WDR27: variants seen among roughly 807,000 people sequenced by gnomAD.
The protein encoded by WDR27 is WD repeat-containing protein 27.
WDR27 carries 100 observed loss-of-function variants against 114.4 expected under a neutral mutation model. The observed-to-expected ratio is 0.87, with a 90% CI of 0.74 to 1.03. The LOEUF (loss-of-function observed/expected upper bound fraction) is 1.03, where lower values mean the gene tolerates loss of function less well. Among genes scored for constraint, WDR27 ranks in the 50% least tolerant of loss-of-function variants. WDR27 has a pLI of 0.00. For missense variants in WDR27, 1,129 were observed against 1,092.9 expected, an observed-to-expected ratio of 1.03 and a Z score of -0.47; for synonymous variants, 449 against 423.1, an observed-to-expected ratio of 1.06 and a Z score of -0.75.
At chr6:169,697,428 G>C (rs1225895285) in intron 1 of WDR27, among the ~76,000 whole-genome samples, 2 of 152,082 alleles carry the variant, frequency 1.3e-5, no homozygotes, top group Non-Finnish European at 1.5e-5. Flanking sequence ...ACCGGGAAAG[G>C]GAATCTCCCT....
At chr6:169,490,657 C>T (rs1789635747) in intron 25 of WDR27, among the ~76,000 whole-genome samples, 2 of 152,218 alleles carry the variant, frequency 1.3e-5, no homozygotes, top group Non-Finnish European at 2.9e-5. Flanking sequence ...ATGAACAATT[C>T]ACATTCTTTA....
At chr6:169,630,161 C>A (rs1815981915) in intron 21 of WDR27, among the ~76,000 whole-genome samples, 1 of 152,182 alleles carries the variant, frequency 6.6e-6, no homozygotes, top group Non-Finnish European at 1.5e-5. Flanking sequence ...CAATCTTTAT[C>A]TTTAGATACA....
chr6:169,600,486 G>A lies in WDR27; in HGVS notation c.2424+1733C>T, dbSNP rs1478254918. ...GGAGAATGACTTTGACAAGTTGAGA[G>A]AAGAAGGCTTCGGACGATCAAACTA... On this transcript the variant is annotated intron_variant, in intron 23 of 25. Transcript: ENST00000448612. Among the ~76,000 whole-genome samples the A allele has an allele frequency of 2.6e-5, 4 of 152,216 alleles. No homozygotes were observed. In the East Asian group the frequency reaches 7.7e-4, roughly 29 times the overall value.
chr6:169,584,287 C>T (rs951735422), intron 23 of WDR27, among the ~76,000 whole-genome samples: 4 of 152,140 alleles, frequency 2.6e-5, no homozygotes, highest in African/African-American at 9.7e-5. Context: ...GACATAGGCA[C>T]ACACACTCCT....
Position 169,689,375 on chromosome 6 carries a change from G to A in WDR27, c.-7-363C>T, listed in dbSNP as rs370979149. 31 of 160,848 alleles carry A rather than the reference G, an allele frequency of 1.9e-4. No individual in the cohort carries two copies. In the South Asian group the frequency reaches 3.7e-3, roughly 19 times the overall value. 10.0% of individuals were successfully genotyped at this position (160,848 alleles called of 1,614,324 possible). ...ATGATCCATGTGGCATGGGTGCAGC[G>A]CTGTGGCACTTAGCGTTCTAAACGT... On this transcript the variant is annotated intron_variant, in intron 1 of 25. Coordinates refer to ENST00000448612, the MANE Select transcript of WDR27 (RefSeq NM_182552.5).
At chr6:169,465,379 T>TA (rs952819040) in intron 25 of WDR27, among the ~76,000 whole-genome samples, 6 of 151,822 alleles carry the variant, frequency 4.0e-5, no homozygotes, top group Non-Finnish European at 8.8e-5. Flanking sequence ...ACATGACTAT[T>TA]AAAAAAACAA....
chr6:169,620,979 T>C (rs1410193331), intron 21 of WDR27, among the ~76,000 whole-genome samples: 3 of 152,200 alleles, frequency 2.0e-5, no homozygotes, highest in Non-Finnish European at 4.4e-5. Context: ...CCTGACCTTG[T>C]GTAATACACG....
chr6:169,482,846 T>A (rs535089216), intron 25 of WDR27, among the ~76,000 whole-genome samples: 80 of 152,254 alleles, frequency 5.3e-4, no homozygotes, highest in African/African-American at 1.9e-3. Context: ...TCTCTGACCA[T>A]GGCTCAATAA....
chr6:169,650,172 C>T (rs553053377), intron 14 of WDR27, among the ~76,000 whole-genome samples: 1 of 149,056 alleles, frequency 6.7e-6, no homozygotes, highest in Non-Finnish European at 1.5e-5. Context: ...ATCCATCCCT[C>T]TACTTATCCA....
intron 22 of WDR27, among the ~76,000 whole-genome samples, chr6:169,607,891 G>A (rs1809586584): frequency 6.6e-6 from 1 of 152,012 alleles, no homozygotes; most frequent in Admixed American, 6.6e-5. Flanking sequence ...TAATGCCGGG[G>A]ATACATTCCA....
At chr6:169,540,499 G>A (rs1034362811) in intron 25 of WDR27, among the ~76,000 whole-genome samples, 19 of 151,140 alleles carry the variant, frequency 1.3e-4, no homozygotes, top group Admixed American at 5.3e-4. Flanking sequence ...GCGAGATCTC[G>A]GCTCACTGCA....
At chr6:169,696,869 G>C (rs1208947914) in intron 1 of WDR27, among the ~76,000 whole-genome samples, 1 of 152,188 alleles carries the variant, frequency 6.6e-6, no homozygotes, top group African/African-American at 2.4e-5. Context: ...AGCCAAGATT[G>C]TGCCACTGCA....
chr6:169,578,068 G>A (rs1187977740), intron 24 of WDR27, among the ~76,000 whole-genome samples: 2 of 152,264 alleles, frequency 1.3e-5, no homozygotes, highest in South Asian at 2.1e-4. Context: ...TCTCTAATGT[G>A]TGTTTTATCC....
intron 23 of WDR27, among the ~76,000 whole-genome samples, chr6:169,598,240 TTG>T (rs1807229917): frequency 6.6e-6 from 1 of 152,236 alleles, no homozygotes; most frequent in Non-Finnish European, 1.5e-5. Flanking sequence ...ATTATCAGTG[TTG>T]TCTTAGTCTG....
intron 16 of WDR27, among the ~76,000 whole-genome samples, chr6:169,647,417 C>T (rs1204628791): frequency 2.0e-5 from 3 of 152,224 alleles, no homozygotes; most frequent in African/African-American, 7.2e-5. Flanking sequence ...GTGACTGTTC[C>T]ATTAGCTTCT....
chr6:169,658,972 C>A (rs1383392560), intron 12 of WDR27, 114 bp downstream of exon 12: 4 of 1,398,504 alleles, frequency 2.9e-6, no homozygotes, highest in Non-Finnish European at 3.7e-6. Flanking sequence ...TAGGCGTGAG[C>A]CACCGCGCCC....
In WDR27 at chr6:169,486,737, G is replaced by A. The variant is rs576066667; in HGVS notation, c.2646-29103C>T. Among the ~76,000 whole-genome samples the A allele has an allele frequency of 3.3e-4, 50 of 152,172 alleles. 1 individual carries two copies. Among genetic ancestry groups the A allele is most frequent in the Middle Eastern group, 6.8e-3 (2 of 294 alleles). ...GAACTCCTGACCTCATGATCCACCC[G>A]CCTCAGCCCCCCAAAGTGCTGGGAT... is the stretch of plus-strand genomic sequence containing the variant. On this transcript the variant is annotated intron_variant, in intron 25 of 25. Coordinates refer to ENST00000448612, the MANE Select transcript of WDR27 (RefSeq NM_182552.5).
chr6:169,606,634 A>C (rs1809251009), intron 22 of WDR27, among the ~76,000 whole-genome samples: 2 of 152,156 alleles, frequency 1.3e-5, no homozygotes, highest in African/African-American at 4.8e-5. Flanking sequence ...CCCTGCAAAA[A>C]ACATGATCTT....
intron 21 of WDR27, among the ~76,000 whole-genome samples, chr6:169,627,277 C>T (rs1209441908): frequency 1.3e-5 from 2 of 152,114 alleles, no homozygotes; most frequent in Non-Finnish European, 2.9e-5. Flanking sequence ...TTTTTAAAAA[C>T]AAATCTTAAT....
Sources: gnomAD v4.1 joint callset for allele counts (sites outside exome capture counted in the v4.1 genomes callset) on GRCh38, gnomAD v4.1.1 for gene constraint, MANE v1.5 for transcripts, NCBI Gene and HGNC (gene_info 2026-07-23, HGNC 2026-07-21) for gene names.